Variants in LRRC37A2 observed in about 807,000 individuals in gnomAD.
LRRC37A2 encodes the protein leucine-rich repeat-containing protein 37A2.
Under a neutral mutation model 68.8 loss-of-function variants are expected in LRRC37A2, and 9 were observed. The observed-to-expected ratio is 0.13, with a 90% CI of 0.08 to 0.23. LRRC37A2 has a LOEUF of 0.23. LRRC37A2 is among the 10% of genes least tolerant of loss of function. The pLI, the probability that LRRC37A2 is intolerant of heterozygous loss-of-function variation, is 1.00. For missense variants in LRRC37A2, 168 were observed against 950.4 expected (o/e 0.18, Z 10.82); for synonymous variants, 63 against 367.6 (o/e 0.17, Z 9.48).
chr17:46,938,026 CCT>C, the LRRC37A2 span: 1 of 174,206 alleles, frequency 5.7e-6, no homozygotes, highest in Non-Finnish European at 1.2e-5. Context: ...CACCACCACA[CCT>C]GGCTAATTTT....
chr17:47,038,196 C>T, the LRRC37A2 span, among the ~76,000 whole-genome samples: 31 of 152,270 alleles, frequency 2.0e-4, no homozygotes, highest in African/African-American at 7.0e-4. Context: ...GTCACAGCTA[C>T]TCTGGTGGCT....
the LRRC37A2 span, among the ~76,000 whole-genome samples, chr17:46,497,526 C>T: frequency 6.8e-6 from 1 of 146,392 alleles, no homozygotes; most frequent in Non-Finnish European, 1.5e-5. Flanking sequence ...CATTTTACCT[C>T]TAAATAAAAT....
the LRRC37A2 span, among the ~76,000 whole-genome samples, chr17:46,499,336 G>GT: frequency 3.2e-5 from 2 of 61,896 alleles, no homozygotes; most frequent in Non-Finnish European, 4.3e-5. Context: ...AAAAAAAAAA[G>GT]GTGGGGGGAC....
At chr17:46,848,471 G>A in the LRRC37A2 span, among the ~76,000 whole-genome samples, 80 of 152,244 alleles carry the variant, frequency 5.3e-4, no homozygotes, top group Admixed American at 5.2e-3. Context: ...CAGAGGGAAG[G>A]TGGCAGAGCA....
chr17:47,044,749 A>T, the LRRC37A2 span, among the ~76,000 whole-genome samples: 17,989 of 148,496 alleles, frequency 0.12, 1,219 homozygotes, highest in South Asian at 0.2. Flanking sequence ...TTTGGGCTCA[A>T]GCCTGTAATC....
chr17:46,929,332 T>C, the LRRC37A2 span, among the ~76,000 whole-genome samples: 1 of 152,202 alleles, frequency 6.6e-6, no homozygotes, highest in Non-Finnish European at 1.5e-5. Context: ...TCAGTGTTAT[T>C]GTTAGTAGTT....
At chr17:46,929,371 G>A in the LRRC37A2 span, 1 of 687,890 alleles carries the variant, frequency 1.5e-6, no homozygotes, top group Non-Finnish European at 2.7e-6. Context: ...CCAAAACGTG[G>A]GACCTAAAGT....
the LRRC37A2 span, chr17:46,935,295 C>G: frequency 6.4e-7 from 1 of 1,565,084 alleles, no homozygotes; most frequent in South Asian, 1.2e-5. Flanking sequence ...AAGACAGAGC[C>G]CTTGAGTTTG....
At chr17:46,940,956 C>T in the LRRC37A2 span, 1 of 1,241,994 alleles carries the variant, frequency 8.1e-7, no homozygotes, top group South Asian at 1.6e-5. Context: ...TGACTCTCTC[C>T]ACCGCCTCAG....
At chr17:46,788,894 G>A in the LRRC37A2 span, among the ~76,000 whole-genome samples, 1 of 152,192 alleles carries the variant, frequency 6.6e-6, no homozygotes, top group African/African-American at 2.4e-5. Flanking sequence ...CTGGCTCTCT[G>A]GGCCTTTTAA....
chr17:46,759,631 A>G, the LRRC37A2 span, among the ~76,000 whole-genome samples: 1 of 152,214 alleles, frequency 6.6e-6, no homozygotes, highest in Non-Finnish European at 1.5e-5. Flanking sequence ...CAGACCAGCC[A>G]CACACACAAG....
the LRRC37A2 span, among the ~76,000 whole-genome samples, chr17:46,504,869 TATTA>T: frequency 1.5e-3 from 189 of 124,206 alleles, 30 homozygotes; most frequent in Non-Finnish European, 2.3e-3. Context: ...TACATTGATT[TATTA>T]ATTAATAAAT....
the LRRC37A2 span, among the ~76,000 whole-genome samples, chr17:46,695,202 C>T: frequency 7.8e-5 from 10 of 128,878 alleles, no homozygotes; most frequent in Non-Finnish European, 1.1e-4. Context: ...GCTGAGATTG[C>T]GCCACTGCAC....
At chr17:47,044,905 A>G in the LRRC37A2 span, among the ~76,000 whole-genome samples, 1 of 148,486 alleles carries the variant, frequency 6.7e-6, no homozygotes, top group Non-Finnish European at 1.5e-5. Context: ...CTAGCTACTC[A>G]TGAGGCTGAG....
chr17:46,685,517 C>T, the LRRC37A2 span, among the ~76,000 whole-genome samples: 2 of 151,854 alleles, frequency 1.3e-5, no homozygotes, highest in African/African-American at 2.4e-5. Flanking sequence ...ATAGAACAGC[C>T]GCTTTTGAAA....
the LRRC37A2 span, among the ~76,000 whole-genome samples, chr17:46,730,270 A>G: frequency 6.6e-6 from 1 of 152,168 alleles, no homozygotes; most frequent in Non-Finnish European, 1.5e-5. Context: ...AGAATGTGAG[A>G]CTTTTTCTAG....
the LRRC37A2 span, among the ~76,000 whole-genome samples, chr17:46,843,518 A>G: frequency 1.3e-5 from 2 of 152,148 alleles, no homozygotes; most frequent in African/African-American, 4.8e-5. Flanking sequence ...CTTCCCTGGA[A>G]CAATGAATTG....
the LRRC37A2 span, among the ~76,000 whole-genome samples, chr17:46,802,171 G>A: frequency 6.6e-6 from 1 of 152,194 alleles, no homozygotes; most frequent in African/African-American, 2.4e-5. Context: ...GTATGCTAAT[G>A]AGCTGACGGA....
chr17:46,835,729 G>T, the LRRC37A2 span, among the ~76,000 whole-genome samples: 3 of 152,244 alleles, frequency 2.0e-5, no homozygotes. Context: ...AGTTGTTAAG[G>T]GTTGGGAGAA....
Sources: gnomAD v4.1 joint callset for allele counts (sites outside exome capture counted in the v4.1 genomes callset) on GRCh38, gnomAD v4.1.1 for gene constraint, MANE v1.5 for transcripts, NCBI Gene and HGNC (gene_info 2026-07-23, HGNC 2026-07-21) for gene names.